Variants in KIT observed in about 807,000 individuals in gnomAD.
KIT encodes mast/stem cell growth factor receptor Kit.
KIT carries 16 observed loss-of-function variants against 105.7 expected under a neutral mutation model. That is an observed-to-expected ratio of 0.15 (90% CI 0.10 to 0.23). The LOEUF (loss-of-function observed/expected upper bound fraction) is 0.23, where lower values mean the gene tolerates loss of function less well. KIT is among the 10% of genes least tolerant of loss of function. The pLI, the probability that KIT is intolerant of heterozygous loss-of-function variation, is 1.00. For missense variants in KIT, 858 were observed against 1,213.8 expected (o/e 0.71, Z 4.36); for synonymous variants, 438 against 441.1 (o/e 0.99, Z 0.09).
chr4:54,729,291 TA>T (rs768578234), intron 13 of KIT, 43 bp from the exon 14 acceptor site: 14 of 1,605,820 alleles, frequency 8.7e-6, no homozygotes, highest in Non-Finnish European at 1.1e-5. Flanking sequence ...AGAATTAATC[TA>T]TATATCTCAC....
At chr4:54,658,560 T>TA (rs991442548) in intron 1 of KIT, among the ~76,000 whole-genome samples, 1 of 152,042 alleles carries the variant, frequency 6.6e-6, no homozygotes, top group Non-Finnish European at 1.5e-5. Flanking sequence ...AGGGCAAAGT[T>TA]AGAGAGCCCT....
At chr4:54,697,990 G>A (rs907456019) in intron 2 of KIT, among the ~76,000 whole-genome samples, 2 of 152,266 alleles carry the variant, frequency 1.3e-5, no homozygotes, top group African/African-American at 2.4e-5. Context: ...TTATGACACC[G>A]CAGTTTCATC....
rs1553893797 is a variant in KIT at position 54,738,458 on chromosome 4, CA to C, written c.2834del (p.Asn945ThrfsTer7). 6.2e-7 allele frequency: 1 copy of C among 1,614,092 alleles called. No homozygotes were observed. The highest frequency in any genetic ancestry group is 8.5e-7 in the Non-Finnish European group (1 of 1,179,998). ...ACTCCAACTTAGCAAACTGCAGCCC[CA>C]ACCGACAGAAGCCCGTGGTAGACCA... is the stretch of plus-strand genomic sequence containing the variant. ...IYSNLANCSP[N>X]RQKPVVDHSV... On this transcript the variant is annotated frameshift_variant, in exon 21 of 21. Transcript: ENST00000288135. LOFTEE classifies it high-confidence loss of function.
intron 1 of KIT, among the ~76,000 whole-genome samples, chr4:54,688,209 G>A (rs757223550): frequency 6.6e-6 from 1 of 152,188 alleles, no homozygotes; most frequent in Non-Finnish European, 1.5e-5. Context: ...CCTCATGGGT[G>A]TTGTGGGCGA....
rs2109776829 is a variant in KIT at position 54,727,485 on chromosome 4, C to G, written c.1717C>G (p.Pro573Ala). Reference sequence around the variant, plus strand: ...TGGAAACAATTATGTTTACATAGACCCAACACAACTTCCTTATGATCACAA... The same window carrying G: ...TGGAAACAATTATGTTTACATAGACGCAACACAACTTCCTTATGATCACAA... ...INGNNYVYID[P>A]TQLPYDHKWE... is the part of the protein sequence containing the mutation. Residue 573 changes from proline (P) to alanine (A), a missense_variant, in exon 11 of 21, where the codon CCA becomes GCA. Physicochemically the swap from Pro to Ala is conservative, Grantham distance 27. Coordinates refer to ENST00000288135, the MANE Select transcript of KIT (RefSeq NM_000222.3). 6.2e-7 allele frequency: 1 copy of G among 1,613,966 alleles called. No homozygotes were observed. Among genetic ancestry groups the G allele is most frequent in the Non-Finnish European group, 8.5e-7 (1 of 1,179,952 alleles).
chr4:54,706,385 AT>A (rs1720791488), intron 5 of KIT, among the ~76,000 whole-genome samples: 1 of 152,084 alleles, frequency 6.6e-6, no homozygotes, highest in Non-Finnish European at 1.5e-5. Flanking sequence ...TCTTATTTTA[AT>A]TACTAGTTTA....
chr4:54,689,637 C>T (rs572291154), intron 1 of KIT, among the ~76,000 whole-genome samples: 4 of 152,266 alleles, frequency 2.6e-5, no homozygotes, highest in African/African-American at 9.6e-5. Flanking sequence ...AAAAAAGTGT[C>T]AAGATAGCTG....
chr4:54,714,599 T>A (rs892527001), intron 7 of KIT, among the ~76,000 whole-genome samples: 3 of 152,264 alleles, frequency 2.0e-5, no homozygotes, highest in African/African-American at 7.2e-5. Flanking sequence ...AAATAAATTA[T>A]GGTTGATATG....
At chr4:54,703,566 A>G (rs1286946284) in intron 4 of KIT, among the ~76,000 whole-genome samples, 158 bp from the exon 5 acceptor site, 2 of 152,154 alleles carry the variant, frequency 1.3e-5, no homozygotes, top group Non-Finnish European at 2.9e-5. Context: ...CCAATGACAG[A>G]CTTGTCATGA....
intron 3 of KIT, among the ~76,000 whole-genome samples, 182 bp from the exon 4 acceptor site, chr4:54,699,448 G>A (rs942911796): frequency 2.6e-5 from 4 of 152,140 alleles, no homozygotes; most frequent in Non-Finnish European, 4.4e-5. Flanking sequence ...TTACTTGAAG[G>A]ATGCTTGATT....
chr4:54,703,495 G>GT (rs1413016709), intron 4 of KIT, among the ~76,000 whole-genome samples: 3 of 151,976 alleles, frequency 2.0e-5, no homozygotes, highest in Admixed American at 6.6e-5. Context: ...ATGAATTTTC[G>GT]TTTTTTTCCC....
intron 1 of KIT, among the ~76,000 whole-genome samples, chr4:54,688,222 A>G (rs577624163): frequency 1.2e-4 from 18 of 152,278 alleles, no homozygotes; most frequent in Non-Finnish European, 2.5e-4. Flanking sequence ...GTGGGCGATT[A>G]CTGGGATCCT....
intron 1 of KIT, among the ~76,000 whole-genome samples, chr4:54,686,065 G>A (rs1230570091): frequency 1.3e-5 from 2 of 152,156 alleles, no homozygotes; most frequent in South Asian, 2.1e-4. Context: ...ATAAGGACAC[G>A]TTACACAAGT....
intron 1 of KIT, among the ~76,000 whole-genome samples, chr4:54,662,007 T>G (rs1267729429): frequency 2.0e-5 from 3 of 152,230 alleles, no homozygotes; most frequent in Non-Finnish European, 4.4e-5. Context: ...ACATGATGCT[T>G]TTTAGAAAAC....
chr4:54,729,234 C>G, intron 13 of KIT, 101 bp from the exon 14 acceptor site: 1 of 1,246,552 alleles, frequency 8.0e-7, no homozygotes, highest in East Asian at 2.3e-5. Context: ...TCCACTGAAG[C>G]TGAATATTAA....
At chr4:54,732,202 A>G (rs1016745837) in intron 16 of KIT, among the ~76,000 whole-genome samples, 1 of 151,940 alleles carries the variant, frequency 6.6e-6, no homozygotes, top group Non-Finnish European at 1.5e-5. Flanking sequence ...TCTAATTTAT[A>G]AGCTGTAAAG....
At chr4:54,660,147 C>G (rs1717146920) in intron 1 of KIT, among the ~76,000 whole-genome samples, 1 of 152,194 alleles carries the variant, frequency 6.6e-6, no homozygotes, top group Non-Finnish European at 1.5e-5. Flanking sequence ...TTTGAAATTC[C>G]TCTGCCTCTC....
chr4:54,678,273 A>G (rs1210530256), intron 1 of KIT, among the ~76,000 whole-genome samples: 3 of 135,806 alleles, frequency 2.2e-5, no homozygotes, highest in African/African-American at 8.6e-5. Flanking sequence ...GCTTCAATGC[A>G]TTCCATGGCT....
At chr4:54,708,576 TG>T (rs1488220430) in intron 6 of KIT, among the ~76,000 whole-genome samples, 1 of 152,070 alleles carries the variant, frequency 6.6e-6, no homozygotes, top group African/African-American at 2.4e-5. Flanking sequence ...GGCAAGTGTT[TG>T]GGGGCATGAA....
Sources: allele counts gnomAD v4.1 joint callset (sites outside exome capture counted in the v4.1 genomes callset), GRCh38; gene constraint gnomAD v4.1.1; transcripts MANE v1.5; gene names NCBI Gene and HGNC (gene_info 2026-07-23, HGNC 2026-07-21).